Variants in EMG1 observed in about 807,000 individuals in gnomAD.
EMG1 encodes EMG1 N1-specific pseudouridine methyltransferase, also known as ribosomal RNA small subunit methyltransferase NEP1.
In EMG1, 24 loss-of-function variants were observed where a neutral mutation model predicts 26.9. The ratio of observed to expected loss-of-function variants is 0.89; its 90% CI spans 0.65 to 1.26. EMG1 has a LOEUF of 1.26. EMG1 is among the 50% of genes most tolerant of loss of function. The pLI, the probability that EMG1 is intolerant of heterozygous loss-of-function variation, is 0.00. For missense variants in EMG1, 299 were observed against 307.6 expected, an observed-to-expected ratio of 0.97 and a Z score of 0.21; for synonymous variants, 140 against 112.6, an observed-to-expected ratio of 1.24 and a Z score of -1.54.
chr12:6,971,730 C>T (rs1555152310), intron 1 of EMG1, among the ~76,000 whole-genome samples: 1 of 152,210 alleles, frequency 6.6e-6, no homozygotes, highest in Non-Finnish European at 1.5e-5. Flanking sequence ...AGTTACTGGG[C>T]AGATGAGAAA....
At chr12:6,973,719 T>A (rs1228930130) in intron 1 of EMG1, among the ~76,000 whole-genome samples, 2 of 152,112 alleles carry the variant, frequency 1.3e-5, no homozygotes, top group Non-Finnish European at 2.9e-5. Context: ...ATTTTTTATA[T>A]TTTTAGTAGA....
chr12:6,981,489 TGAGG>T, downstream of EMG1: 1 of 1,112,262 alleles, frequency 9.0e-7, no homozygotes, highest in Non-Finnish European at 1.4e-6. Flanking sequence ...GGCTGGGGAA[TGAGG>T]GAGAGGCTCC....
At chr12:6,980,837 A>G, downstream of EMG1, 2 of 528,352 alleles carry the variant, frequency 3.8e-6, no homozygotes, top group Non-Finnish European at 6.5e-6. Context: ...AGAACCCTAA[A>G]CTAAAAAGGG....
At position 6,995,257 on chromosome 12, in the gene EMG1, C is replaced by A. The variant is rs2138347473; in HGVS notation, c.*212-1968C>A. Reference sequence around the variant, plus strand: ...TTGGGAGGCCAAGGCAGGCGGATCACCAGGTCAAGAGTTCAAGACCAGCCT... The same window carrying A: ...TTGGGAGGCCAAGGCAGGCGGATCAACAGGTCAAGAGTTCAAGACCAGCCT... On this transcript the variant is annotated intron_variant and NMD_transcript_variant, in intron 7 of 7. Transcript: ENST00000607161. Among the ~76,000 whole-genome samples the A allele has an allele frequency of 1.3e-5, 2 of 152,118 alleles. 1 individual carries two copies. Among genetic ancestry groups the A allele is most frequent in the South Asian group, 4.2e-4 (2 of 4,818 alleles).
chr12:6,974,296 C>T (rs782590514), intron 1 of EMG1, 43 bp from the exon 2 acceptor site: 1 of 1,446,156 alleles, frequency 6.9e-7, no homozygotes, highest in Non-Finnish European at 9.6e-7. Context: ...GGCTAGGTAA[C>T]AGAAGCTTAT....
chr12:6,982,536 T>C, downstream of EMG1: 4 of 638,722 alleles, frequency 6.3e-6, no homozygotes, highest in Non-Finnish European at 1.1e-5. Context: ...ATAAGCCACC[T>C]ACCTGAAGTC....
chr12:6,981,778 A>T (rs1275378792), downstream of EMG1: 1 of 1,559,250 alleles, frequency 6.4e-7, no homozygotes, highest in Non-Finnish European at 8.8e-7. Context: ...AGGGACCTAC[A>T]TGTAAGGAAG....
chr12:6,979,967 G>T (rs16933015), downstream of EMG1: 1,291 of 173,738 alleles, frequency 7.4e-3, 14 homozygotes, highest in African/African-American at 0.029. Context: ...TTGAATTGAT[G>T]CTGAAACACA....
downstream of EMG1, among the ~76,000 whole-genome samples, chr12:6,992,234 G>T (rs1946595911): frequency 6.6e-6 from 1 of 151,948 alleles, no homozygotes; most frequent in African/African-American, 2.4e-5. Context: ...TACTCAGGAG[G>T]CTGAGGTAGC....
intron 7 of EMG1, among the ~76,000 whole-genome samples, chr12:6,993,983 T>C (rs782136483): frequency 6.6e-6 from 1 of 152,170 alleles, no homozygotes; most frequent in Non-Finnish European, 1.5e-5. Context: ...TTAGGAACAT[T>C]ATGAAGAATG....
downstream of EMG1, chr12:6,982,551 T>G: frequency 1.5e-6 from 1 of 675,854 alleles, no homozygotes; most frequent in Non-Finnish European, 2.6e-6. Flanking sequence ...GAAGTCATAC[T>G]GCTAAGTGCT....
chr12:6,975,527 T>G (rs1591708902), intron 5 of EMG1, 149 bp downstream of exon 5: 1 of 1,015,568 alleles, frequency 9.8e-7, no homozygotes. Flanking sequence ...CTTTGAGGGC[T>G]GCTGCCATAA....
chr12:6,973,812 G>T (rs1591707383), intron 1 of EMG1, among the ~76,000 whole-genome samples: 4 of 152,374 alleles, frequency 2.6e-5, no homozygotes, highest in African/African-American at 9.6e-5. Flanking sequence ...AAAGTGCTGG[G>T]ATTACAGGCG....
rs377075069 is a variant in EMG1 at position 6,975,743 on chromosome 12, C to G, written c.669C>G (p.Pro223=). Residue 223 remains proline, a synonymous_variant, in exon 6 of 6, where the codon CCC becomes CCG. Transcript: ENST00000599672. ...TEKMVSISNY[P]LSAALTCAKL... ...AGATGGTGTCCATCAGTAACTACCC[C>G]CTTTCTGCTGCCCTCACCTGTGCAA... The G allele has an allele frequency of 7.4e-6, 12 of 1,613,596 alleles. No homozygotes were observed. Among genetic ancestry groups the G allele is most frequent in the Admixed American group, 3.3e-5 (2 of 60,008 alleles).
At chr12:6,995,685 C>T (rs1946630561) in intron 7 of EMG1, among the ~76,000 whole-genome samples, 1 of 152,018 alleles carries the variant, frequency 6.6e-6, no homozygotes, top group Non-Finnish European at 1.5e-5. Context: ...TCTGCCTGCA[C>T]CACGTCTTCC....
At position 6,978,345 on chromosome 12, in the gene EMG1, C is replaced by A; in HGVS notation, c.*2536C>A. 1 of 1,606,658 alleles carries A rather than the reference C, an allele frequency of 6.2e-7. No individual in the cohort carries two copies. Among genetic ancestry groups the A allele is most frequent in the Non-Finnish European group, 8.5e-7 (1 of 1,175,948 alleles). On this transcript the variant is annotated 3_prime_UTR_variant, in exon 6 of 6. Coordinates refer to ENST00000599672, the MANE Select transcript of EMG1 (RefSeq NM_006331.8). ...GGCTCCCCACCAGCAGCTCACCGGG[C>A]CACCCAGGCGTTGGTGTTGATGTTG...
chr12:6,976,998 T>C lies in EMG1; in HGVS notation c.*1189T>C, dbSNP rs1565595687. The stretch of plus-strand genomic sequence containing the variant: ...ATGCCTCAATAAGTCACAGTAGTCA[T>C]TGCCCATACTGTGTTCCTTAGTAGC... On this transcript the variant is annotated 3_prime_UTR_variant, in exon 6 of 6. Transcript: ENST00000599672. The C allele has an allele frequency of 3.1e-6, 2 of 653,126 alleles. No individual in the cohort carries two copies. The highest frequency in any genetic ancestry group is 5.5e-6 in the Non-Finnish European group (2 of 363,080). 40.5% of individuals were successfully genotyped at this position (653,126 alleles called of 1,614,324 possible).
intron 1 of EMG1, among the ~76,000 whole-genome samples, chr12:6,973,553 G>GT (rs1175957778): frequency 3.3e-5 from 5 of 151,950 alleles, no homozygotes; most frequent in Non-Finnish European, 2.9e-5. Context: ...TGCATCATTA[G>GT]TTTTCACATT....
Position 6,977,509 on chromosome 12 carries a change from T to C in EMG1, c.*1700T>C. 1 of 1,614,166 alleles carries C rather than the reference T, an allele frequency of 6.2e-7. No individual in the cohort carries two copies. On this transcript the variant is annotated 3_prime_UTR_variant, in exon 6 of 6. Transcript: ENST00000599672. The surrounding 1 kb of genome is among the most constrained non-coding windows in gnomAD (Gnocchi z 4.5). ...CAGCTTGCTCAGGGTGGGGCTCTCTTGAATGAGCCTGGCAGCCTGGGGAGG... is the reference window on the plus strand; with the variant it reads ...CAGCTTGCTCAGGGTGGGGCTCTCTCGAATGAGCCTGGCAGCCTGGGGAGG...
Sources: gnomAD v4.1 joint callset for allele counts (sites outside exome capture counted in the v4.1 genomes callset) on GRCh38, gnomAD v4.1.1 for gene constraint, Gnocchi (gnomAD v3.1) non-coding constraint, MANE v1.5 for transcripts, NCBI Gene and HGNC (gene_info 2026-07-23, HGNC 2026-07-21) for gene names.